The following ATXN8OS variants were observed in gnomAD, a reference collection of about 807,000 sequenced individuals.
The protein encoded by ATXN8OS is ATXN8 opposite strand lncRNA.
At chr13:70,119,899 A>G (rs1214624207) in intron 2 of ATXN8OS, among the ~76,000 whole-genome samples, 5 of 132,370 alleles carry the variant, frequency 3.8e-5, no homozygotes, top group African/African-American at 1.4e-4. Flanking sequence ...TTCATGATAT[A>G]TATGCAAATA....
At chr13:70,158,587 T>G (rs1480815100) in intron 4 of ATXN8OS, among the ~76,000 whole-genome samples, 5 of 152,216 alleles carry the variant, frequency 3.3e-5, no homozygotes, top group African/African-American at 1.2e-4. Context: ...AGAAAACCTT[T>G]TCTGTAAAGG....
At chr13:70,138,160 G>A (rs186121521) in intron 3 of ATXN8OS, among the ~76,000 whole-genome samples, 1 of 152,200 alleles carries the variant, frequency 6.6e-6, no homozygotes, top group East Asian at 1.9e-4. Context: ...AGACCATATC[G>A]CTTGCAATGT....
intron 3 of ATXN8OS, among the ~76,000 whole-genome samples, chr13:70,146,469 G>A (rs1888788198): frequency 6.6e-6 from 1 of 152,108 alleles, no homozygotes; most frequent in Non-Finnish European, 1.5e-5. Context: ...GCACACGTAT[G>A]TTTATTGTGT....
intron 2 of ATXN8OS, among the ~76,000 whole-genome samples, chr13:70,124,833 C>G (rs1888406523): frequency 6.6e-6 from 1 of 151,816 alleles, no homozygotes; most frequent in Admixed American, 6.6e-5. Flanking sequence ...TATATAATTG[C>G]TTGCATAGCC....
chr13:70,144,596 C>G (rs1888758257), intron 3 of ATXN8OS, among the ~76,000 whole-genome samples: 1 of 152,038 alleles, frequency 6.6e-6, no homozygotes, highest in African/African-American at 2.4e-5. Context: ...TTTTAGATAA[C>G]AGTCCTTTAA....
intron 1 of ATXN8OS, among the ~76,000 whole-genome samples, chr13:70,114,594 A>T (rs960961460): frequency 2.7e-4 from 41 of 152,214 alleles, no homozygotes; most frequent in African/African-American, 9.4e-4. Context: ...AGATTCCCAG[A>T]TTAAACATAG....
At chr13:70,123,407 T>C (rs1888388567) in intron 2 of ATXN8OS, among the ~76,000 whole-genome samples, 1 of 152,134 alleles carries the variant, frequency 6.6e-6, no homozygotes. Flanking sequence ...TGAGAGTAAA[T>C]GTGAAGAATG....
chr13:70,141,903 CAG>C (rs1566608715), intron 3 of ATXN8OS, among the ~76,000 whole-genome samples: 1 of 151,590 alleles, frequency 6.6e-6, no homozygotes, highest in Non-Finnish European at 1.5e-5. Flanking sequence ...ATTGTTGAAA[CAG>C]AGTTTTTTGC....
At chr13:70,167,764 C>G (rs1455064850) in intron 4 of ATXN8OS, among the ~76,000 whole-genome samples, 1 of 106,198 alleles carries the variant, frequency 9.4e-6, no homozygotes, top group African/African-American at 3.9e-5. Flanking sequence ...CAGACAGAGT[C>G]TCGCTCTGTT....
intron 3 of ATXN8OS, among the ~76,000 whole-genome samples, chr13:70,144,548 T>C (rs1292624895): frequency 6.6e-6 from 1 of 152,288 alleles, no homozygotes; most frequent in African/African-American, 2.4e-5. Flanking sequence ...GCAAATGGGA[T>C]ACTTCTTTTT....
intron 4 of ATXN8OS, among the ~76,000 whole-genome samples, chr13:70,147,631 T>C (rs1032528824): frequency 6.6e-6 from 1 of 152,190 alleles, no homozygotes; most frequent in African/African-American, 2.4e-5. Flanking sequence ...AAAATAAAGA[T>C]GTCATTAATC....
At chr13:70,143,063 G>C (rs1405109852) in intron 3 of ATXN8OS, among the ~76,000 whole-genome samples, 1 of 146,082 alleles carries the variant, frequency 6.8e-6, no homozygotes, top group African/African-American at 2.5e-5. Flanking sequence ...GTGAAACTCC[G>C]TCTAAAAAAA....
At chr13:70,149,353 C>T (rs1888834987) in intron 4 of ATXN8OS, among the ~76,000 whole-genome samples, 1 of 151,946 alleles carries the variant, frequency 6.6e-6, no homozygotes, top group African/African-American at 2.4e-5. Flanking sequence ...TATAGGAAAA[C>T]ATAGGATTGT....
chr13:70,124,978 G>A (rs897352923), intron 2 of ATXN8OS, among the ~76,000 whole-genome samples: 17 of 150,200 alleles, frequency 1.1e-4, no homozygotes, highest in African/African-American at 4.2e-4. Flanking sequence ...TAACTCAATG[G>A]GCTGTGCTGA....
chr13:70,154,489 G>A (rs781528168), intron 4 of ATXN8OS, among the ~76,000 whole-genome samples: 5 of 152,160 alleles, frequency 3.3e-5, no homozygotes, highest in Admixed American at 6.6e-5. Flanking sequence ...ATAAAGTGCT[G>A]AATGGTTCTT....
chr13:70,115,144 T>C (rs980069250), exon 2 of ATXN8OS: 10 of 398,292 alleles, frequency 2.5e-5, no homozygotes, highest in African/African-American at 1.4e-4. Context: ...CTCATAGTTC[T>C]GGAGGCTGGG....
intron 3 of ATXN8OS, among the ~76,000 whole-genome samples, chr13:70,146,117 A>C (rs1278079280): frequency 6.7e-6 from 1 of 148,426 alleles, no homozygotes; most frequent in Admixed American, 6.8e-5. Context: ...ATGAACAGAC[A>C]CTTCTCAAAA....
chr13:70,144,332 T>A (rs1225637545), intron 3 of ATXN8OS, among the ~76,000 whole-genome samples: 2 of 152,136 alleles, frequency 1.3e-5, no homozygotes, highest in Non-Finnish European at 2.9e-5. Context: ...GTGGCTCTAA[T>A]TGTCATTACT....
intron 3 of ATXN8OS, among the ~76,000 whole-genome samples, chr13:70,131,713 C>T (rs563952839): frequency 1.4e-4 from 21 of 152,072 alleles, no homozygotes; most frequent in Non-Finnish European, 2.8e-4. Context: ...TACTTTCATA[C>T]CTCCCTCTGT....
Sources: allele counts gnomAD v4.1 joint callset (sites outside exome capture counted in the v4.1 genomes callset), GRCh38; gene constraint gnomAD v4.1.1; transcripts MANE v1.5; gene names NCBI Gene and HGNC (gene_info 2026-07-23, HGNC 2026-07-21).